Variants in MALRD1 observed in about 807,000 individuals in gnomAD.
MALRD1 encodes MAM and LDL receptor class A domain containing 1.
Under a neutral mutation model 242.1 loss-of-function variants are expected in MALRD1, and 247 were observed. The ratio of observed to expected loss-of-function variants is 1.02; its 90% confidence interval spans 0.92 to 1.13. MALRD1 has a LOEUF of 1.13. MALRD1 is among the 50% of genes most tolerant of loss of function. The probability of loss-of-function intolerance (pLI) is 0.00; values close to 1 mark genes in which losing one functional copy is unlikely to be tolerated. For missense variants in MALRD1, 2,989 were observed against 2,533.1 expected, an observed-to-expected ratio of 1.18 and a Z score of -3.86; for synonymous variants, 995 against 866.6, an observed-to-expected ratio of 1.15 and a Z score of -2.60.
chr10:19,083,669 G>A (rs1299148858), intron 2 of MALRD1, among the ~76,000 whole-genome samples: 2 of 151,976 alleles, frequency 1.3e-5, no homozygotes, highest in Non-Finnish European at 2.9e-5. Flanking sequence ...ATGAGGCTTT[G>A]AAAAAGGTCT....
At chr10:19,096,299 G>A (rs904368741) in intron 4 of MALRD1, among the ~76,000 whole-genome samples, 1 of 152,162 alleles carries the variant, frequency 6.6e-6, no homozygotes, top group African/African-American at 2.4e-5. Flanking sequence ...TATCCAGGGT[G>A]ATTCGGCTGT....
chr10:19,141,059 T>C lies in MALRD1; in HGVS notation c.1411+4278T>C, dbSNP rs192387089. On this transcript the variant is annotated intron_variant, in intron 10 of 39. Coordinates refer to ENST00000454679, the MANE Select transcript of MALRD1 (RefSeq NM_001142308.3). ...TTACATTGCGTACCTTAGTTACAATTTTATTTGTCACTTATACATCAATAA... is the reference window on the plus strand; with the variant it reads ...TTACATTGCGTACCTTAGTTACAATCTTATTTGTCACTTATACATCAATAA... Among the ~76,000 whole-genome samples, 554 of 152,286 alleles carry C rather than the reference T, an allele frequency of 3.6e-3. 3 individuals carry two copies. Among genetic ancestry groups the C allele is most frequent in the Non-Finnish European group, 6.1e-3 (416 of 68,020 alleles).
intron 5 of MALRD1, among the ~76,000 whole-genome samples, chr10:19,121,042 C>A (rs1483158379): frequency 8.5e-6 from 1 of 117,166 alleles, no homozygotes; most frequent in African/African-American, 3.4e-5. Context: ...CTGTGCCCGG[C>A]CTTTTTTTTT....
intron 22 of MALRD1, among the ~76,000 whole-genome samples, chr10:19,327,207 A>G (rs1415766654): frequency 1.3e-5 from 2 of 152,076 alleles, no homozygotes; most frequent in Non-Finnish European, 2.9e-5. Context: ...GCAATTCCAT[A>G]CTTTCTCATT....
intron 24 of MALRD1, 42 bp from the exon 25 acceptor site, chr10:19,347,729 A>G (rs963484658): frequency 1.3e-6 from 2 of 1,543,758 alleles, no homozygotes; most frequent in South Asian, 1.2e-5. Flanking sequence ...AAAGTAGGCA[A>G]ATTTCCATTT....
chr10:19,441,474 G>T (rs563777144), intron 28 of MALRD1, among the ~76,000 whole-genome samples: 3 of 152,248 alleles, frequency 2.0e-5, no homozygotes, highest in Non-Finnish European at 4.4e-5. Flanking sequence ...ATGGTTATAG[G>T]TCTAACATTT....
intron 28 of MALRD1, among the ~76,000 whole-genome samples, chr10:19,427,279 G>T (rs1164156510): frequency 6.6e-6 from 1 of 152,144 alleles, no homozygotes; most frequent in Non-Finnish European, 1.5e-5. Context: ...GGCTTTAAGG[G>T]ACATACACAG....
At chr10:19,192,162 A>G (rs1273715219) in intron 14 of MALRD1, among the ~76,000 whole-genome samples, 1 of 152,194 alleles carries the variant, frequency 6.6e-6, no homozygotes, top group Non-Finnish European at 1.5e-5. Flanking sequence ...GTAGAATGGT[A>G]GATTCCTGGG....
intron 26 of MALRD1, among the ~76,000 whole-genome samples, chr10:19,357,578 ATTAT>A (rs1438573949): frequency 6.6e-6 from 1 of 152,108 alleles, no homozygotes; most frequent in African/African-American, 2.4e-5. Context: ...ATAAAATCTT[ATTAT>A]TTATTGAAAA....
In MALRD1 at chr10:19,403,559, T is replaced by C. The variant is rs552178224; in HGVS notation, c.4845+13950T>C. Among the ~76,000 whole-genome samples the C allele has an allele frequency of 3.9e-5, 6 of 152,212 alleles. No individual in the cohort carries two copies. The South Asian group carries it at 1.2e-3, about 32-fold the overall frequency. On this transcript the variant is annotated intron_variant, in intron 28 of 39. Coordinates refer to ENST00000454679, the MANE Select transcript of MALRD1 (RefSeq NM_001142308.3). ...TGAGCTGAGGGATCATTATTCTGAG[T>C]GCTAGCAATTGAAGTGACTTAGAGA...
At chr10:19,325,560 C>G (rs1245755551) in intron 22 of MALRD1, among the ~76,000 whole-genome samples, 1 of 152,048 alleles carries the variant, frequency 6.6e-6, no homozygotes, top group Non-Finnish European at 1.5e-5. Flanking sequence ...TATGCGTAGA[C>G]ACCTCAGTTA....
At chr10:19,517,644 C>A (rs1175195407) in intron 31 of MALRD1, among the ~76,000 whole-genome samples, 2 of 152,120 alleles carry the variant, frequency 1.3e-5, no homozygotes, top group African/African-American at 4.8e-5. Flanking sequence ...AGATGACCTA[C>A]AATTTTATGT....
chr10:19,224,852 T>G (rs1837722897), intron 18 of MALRD1, among the ~76,000 whole-genome samples: 1 of 152,172 alleles, frequency 6.6e-6, no homozygotes, highest in Non-Finnish European at 1.5e-5. Context: ...TTAGATCCCA[T>G]TTCTCAATTT....
chr10:19,520,723 G>GT (rs1015581922), intron 31 of MALRD1, among the ~76,000 whole-genome samples: 12 of 152,008 alleles, frequency 7.9e-5, no homozygotes, highest in African/African-American at 1.9e-4. Flanking sequence ...TCTGAGACAG[G>GT]TTTTTTACCT....
chr10:19,115,302 G>A (rs138152462), intron 5 of MALRD1, among the ~76,000 whole-genome samples: 1 of 152,084 alleles, frequency 6.6e-6, no homozygotes. Flanking sequence ...TGGAGAGGAG[G>A]TGTCTAGAGA....
chr10:19,444,917 A>T (rs1834881798), intron 28 of MALRD1, among the ~76,000 whole-genome samples: 1 of 152,076 alleles, frequency 6.6e-6, no homozygotes, highest in Non-Finnish European at 1.5e-5. Flanking sequence ...ACTTGGTTCC[A>T]TTCTCCCCAT....
chr10:19,083,919 A>C (rs1835576329), intron 2 of MALRD1, among the ~76,000 whole-genome samples: 1 of 151,934 alleles, frequency 6.6e-6, no homozygotes, highest in South Asian at 2.1e-4. Flanking sequence ...CATTTTTGCC[A>C]GTTTTAAAAT....
intron 21 of MALRD1, among the ~76,000 whole-genome samples, chr10:19,315,846 T>C (rs957745996): frequency 2.0e-5 from 3 of 146,386 alleles, no homozygotes; most frequent in Non-Finnish European, 4.5e-5. Context: ...TTAAATTATT[T>C]TATTATTTAT....
At chr10:19,507,304 G>A (rs1416421883) in intron 31 of MALRD1, among the ~76,000 whole-genome samples, 2 of 152,082 alleles carry the variant, frequency 1.3e-5, no homozygotes, top group Non-Finnish European at 2.9e-5. Context: ...GTTTTGGGTA[G>A]GTAGGAGTTC....
Sources: allele counts gnomAD v4.1 joint callset (sites outside exome capture counted in the v4.1 genomes callset), GRCh38; gene constraint gnomAD v4.1.1; transcripts MANE v1.5; gene names NCBI Gene and HGNC (gene_info 2026-07-23, HGNC 2026-07-21).